Variants in CADPS2 observed in about 807,000 individuals in gnomAD.
The protein encoded by CADPS2 is calcium dependent secretion activator 2.
Under a neutral mutation model 172.5 loss-of-function variants are expected in CADPS2, and 93 were observed. That is an observed-to-expected ratio of 0.54 (90% CI 0.46 to 0.64). CADPS2 has a LOEUF of 0.64. CADPS2 is among the 30% of genes least tolerant of loss of function. The probability of loss-of-function intolerance (pLI) is 0.00; values close to 1 mark genes in which losing one functional copy is unlikely to be tolerated. For missense variants in CADPS2, 1,420 were observed against 1,565.9 expected (o/e 0.91, Z 1.57); for synonymous variants, 546 against 555.2 (o/e 0.98, Z 0.23).
rs1586694629 is a variant in CADPS2 at position 122,504,052 on chromosome 7, G to C, written c.1542+9197C>G. On this transcript the variant is annotated intron_variant, in intron 9 of 29. Transcript: ENST00000449022. ...TAAACCAGGTTTAACAGATCAATCT[G>C]CTATGTCAAATGCAAATTCCACTTT... 2.0e-5 allele frequency among the ~76,000 whole-genome samples: 3 copies of C among 152,120 alleles called. No homozygotes were observed. The East Asian group carries it at 5.8e-4, about 29-fold the overall frequency.
At chr7:122,386,412 A>G (rs1186530178) in intron 24 of CADPS2, 4 of 650,448 alleles carry the variant, frequency 6.1e-6, no homozygotes, top group Non-Finnish European at 9.8e-6. Flanking sequence ...AAAAGGCAAC[A>G]AAATCAACTT....
intron 1 of CADPS2, among the ~76,000 whole-genome samples, chr7:122,782,316 C>T (rs1390855749): frequency 6.6e-6 from 1 of 152,134 alleles, no homozygotes; most frequent in Non-Finnish European, 1.5e-5. Flanking sequence ...CTAAAATCTT[C>T]ATAGAATTGT....
intron 3 of CADPS2, among the ~76,000 whole-genome samples, chr7:122,658,768 A>G (rs2471185): frequency 0.52 from 78,291 of 151,952 alleles, 20,449 homozygotes; most frequent in East Asian, 0.73. Context: ...TAGCATTAGG[A>G]GATATACCTA....
chr7:122,796,035 A>G, intron 1 of CADPS2, among the ~76,000 whole-genome samples: 1 of 113,740 alleles, frequency 8.8e-6, no homozygotes, highest in South Asian at 3.3e-4. Context: ...AATCAATGAG[A>G]AAAAAATCAC....
chr7:122,376,659 GC>G (rs1184599897), intron 25 of CADPS2, among the ~76,000 whole-genome samples: 4 of 152,076 alleles, frequency 2.6e-5, no homozygotes, highest in Non-Finnish European at 5.9e-5. Flanking sequence ...ACAGCATAGG[GC>G]CTATAGAAAA....
chr7:122,441,603 A>G, intron 15 of CADPS2, 28 bp from the exon 16 acceptor site: 1 of 1,441,114 alleles, frequency 6.9e-7, no homozygotes, highest in South Asian at 1.3e-5. Flanking sequence ...AGAACAAAAG[A>G]GTCAAACATT....
intron 2 of CADPS2, among the ~76,000 whole-genome samples, chr7:122,716,167 ACTGAT>A (rs1196252731): frequency 6.6e-6 from 1 of 152,062 alleles, no homozygotes; most frequent in Non-Finnish European, 1.5e-5. Context: ...TTTTTAAAAA[ACTGAT>A]CTGAAGTAAT....
chr7:122,388,315 T>A (rs1393929699), intron 23 of CADPS2, among the ~76,000 whole-genome samples: 1 of 152,016 alleles, frequency 6.6e-6, no homozygotes. Context: ...CCCAGAGAGA[T>A]AACAATAAGC....
chr7:122,349,038 A>C (rs893412096), intron 27 of CADPS2, among the ~76,000 whole-genome samples: 5 of 151,924 alleles, frequency 3.3e-5, no homozygotes, highest in African/African-American at 1.2e-4. Context: ...TAAGAATATG[A>C]AGTTTAGTGA....
intron 14 of CADPS2, among the ~76,000 whole-genome samples, chr7:122,453,636 T>C (rs1270794067): frequency 1.3e-5 from 2 of 152,234 alleles, no homozygotes; most frequent in African/African-American, 2.4e-5. Context: ...TGATTTGACA[T>C]AATCTTTTGG....
At chr7:122,777,735 A>G (rs1479992826) in intron 1 of CADPS2, among the ~76,000 whole-genome samples, 1 of 151,944 alleles carries the variant, frequency 6.6e-6, no homozygotes, top group Non-Finnish European at 1.5e-5. Flanking sequence ...CTTGAGAAGA[A>G]GAGCATGTTT....
chr7:122,705,639 A>C (rs1371154826), intron 2 of CADPS2, among the ~76,000 whole-genome samples: 2 of 93,512 alleles, frequency 2.1e-5, no homozygotes, highest in African/African-American at 9.1e-5. Flanking sequence ...TATGATATAT[A>C]ATATATTATA....
Position 122,621,776 on chromosome 7 carries a change from C to A in CADPS2, c.868-59G>T, listed in dbSNP as rs573434792. The A allele has an allele frequency of 2.4e-4, 228 of 962,486 alleles. 1 individual carries two copies. The Admixed American group carries it at 5.7e-3, about 24-fold the overall frequency. 59.6% of individuals were successfully genotyped at this position (962,486 alleles called of 1,614,324 possible). ...TAAGTCATATTTCAATTTTATCATA[C>A]AAAATTGTATGATATATATACTTCA... On this transcript the variant is annotated intron_variant, in intron 4 of 29. Coordinates refer to ENST00000449022, the MANE Select transcript of CADPS2 (RefSeq NM_017954.11).
chr7:122,549,901 G>A (rs1363790423), intron 8 of CADPS2, among the ~76,000 whole-genome samples: 2 of 152,120 alleles, frequency 1.3e-5, no homozygotes, highest in African/African-American at 4.8e-5. Flanking sequence ...TTTGTTTAAA[G>A]CCTGGACTCT....
intron 2 of CADPS2, among the ~76,000 whole-genome samples, chr7:122,677,978 C>T (rs2082562561): frequency 6.6e-6 from 1 of 152,180 alleles, no homozygotes; most frequent in Admixed American, 6.5e-5. Flanking sequence ...TAAAACACTG[C>T]TGTCCTGTCT....
chr7:122,817,068 C>T (rs1366551429), intron 1 of CADPS2, among the ~76,000 whole-genome samples: 1 of 151,764 alleles, frequency 6.6e-6, no homozygotes, highest in Admixed American at 6.5e-5. Flanking sequence ...CCATATCTCC[C>T]TTCGCTAACT....
intron 7 of CADPS2, among the ~76,000 whole-genome samples, chr7:122,568,592 T>G (rs372594960): frequency 5.1e-4 from 77 of 152,278 alleles, no homozygotes; most frequent in African/African-American, 1.8e-3. Context: ...AGATGTTAAG[T>G]AAATTCAGTG....
intron 3 of CADPS2, among the ~76,000 whole-genome samples, chr7:122,661,930 G>A (rs2080587042): frequency 6.6e-6 from 1 of 152,096 alleles, no homozygotes; most frequent in South Asian, 2.1e-4. Context: ...GAAGATTTTG[G>A]TTTTATAGTC....
At chr7:122,535,646 T>C (rs547857604) in intron 8 of CADPS2, among the ~76,000 whole-genome samples, 1 of 152,162 alleles carries the variant, frequency 6.6e-6, no homozygotes, top group Non-Finnish European at 1.5e-5. Context: ...TAAGAACTAG[T>C]AGAGAATATT....
Sources: gnomAD v4.1 joint callset for allele counts (sites outside exome capture counted in the v4.1 genomes callset) on GRCh38, gnomAD v4.1.1 for gene constraint, MANE v1.5 for transcripts, NCBI Gene and HGNC (gene_info 2026-07-23, HGNC 2026-07-21) for gene names.